CORIN: variants seen among roughly 807,000 people sequenced by gnomAD.
CORIN encodes the protein atrial natriuretic peptide-converting enzyme.
Under a neutral mutation model 125.3 loss-of-function variants are expected in CORIN, and 117 were observed. The ratio of observed to expected loss-of-function variants is 0.93; its 90% CI spans 0.80 to 1.09. CORIN has a LOEUF of 1.09. Ranked by LOEUF, CORIN falls within the 50% of genes least tolerant of loss-of-function variation. CORIN has a pLI of 0.00. For missense variants in CORIN, 1,253 were observed against 1,306.7 expected, an observed-to-expected ratio of 0.96 and a Z score of 0.63; for synonymous variants, 450 against 466.4, an observed-to-expected ratio of 0.96 and a Z score of 0.45.
At chr4:47,832,666 C>T (rs1474305235) in intron 1 of CORIN, among the ~76,000 whole-genome samples, 3 of 151,958 alleles carry the variant, frequency 2.0e-5, no homozygotes, top group Non-Finnish European at 4.4e-5. Context: ...AAGCTGGTCT[C>T]GAACTCCTGA....
At chr4:47,740,587 T>C (rs1303608301) in intron 5 of CORIN, among the ~76,000 whole-genome samples, 3 of 151,986 alleles carry the variant, frequency 2.0e-5, no homozygotes, top group African/African-American at 7.2e-5. Context: ...ACATATGTAA[T>C]CTTTATCAAA....
chr4:47,658,133 G>A (rs1250181469), intron 12 of CORIN, among the ~76,000 whole-genome samples: 1 of 152,200 alleles, frequency 6.6e-6, no homozygotes, highest in Non-Finnish European at 1.5e-5. Flanking sequence ...TACAATGGCT[G>A]TACAGGCATT....
chr4:47,619,820 G>A (rs572978349), intron 19 of CORIN, among the ~76,000 whole-genome samples: 3 of 152,220 alleles, frequency 2.0e-5, no homozygotes, highest in East Asian at 1.9e-4. Flanking sequence ...GGTAATCATC[G>A]CTTGATGAAT....
rs1162817626 is a variant in CORIN at position 47,680,245 on chromosome 4, T to C, written c.1028A>G (p.Asn343Ser). 2.5e-6 allele frequency: 4 copies of C among 1,613,052 alleles called. No individual in the cohort carries two copies. In the African/African-American group the frequency reaches 5.3e-5, roughly 22 times the overall value. Residue 343 changes from asparagine (N) to serine (S), a missense_variant, in exon 8 of 22, where the codon AAT becomes AGT. By Grantham distance (46) the Asn-to-Ser change is conservative (BLOSUM62 1). Coordinates refer to ENST00000273857, the MANE Select transcript of CORIN (RefSeq NM_006587.4). Reference sequence around the variant, plus strand: ...CCCGCAGCGATGCTCTGTTGTGGGATTGCAATCTGGAGAAATGAAAACTCA... The same window carrying C: ...CCCGCAGCGATGCTCTGTTGTGGGACTGCAATCTGGAGAAATGAAAACTCA... ...DLSDEQNCDC[N>S]PTTEHRCGDG...
intron 3 of CORIN, among the ~76,000 whole-genome samples, chr4:47,768,112 C>T (rs932518212): frequency 6.6e-6 from 1 of 152,180 alleles, no homozygotes; most frequent in Non-Finnish European, 1.5e-5. Context: ...CCCCACTGAG[C>T]ACCTTGTGAC....
intron 4 of CORIN, among the ~76,000 whole-genome samples, chr4:47,758,211 C>T (rs562918796): frequency 8.6e-5 from 13 of 151,996 alleles, no homozygotes; most frequent in African/African-American, 2.7e-4. Context: ...CCACGCCCAG[C>T]CTGAAAAATA....
intron 5 of CORIN, among the ~76,000 whole-genome samples, chr4:47,744,035 G>GAATGA (rs1728540498): frequency 6.6e-6 from 1 of 152,206 alleles, no homozygotes; most frequent in South Asian, 2.1e-4. Context: ...CAATGAGAAT[G>GAATGA]AATGAACCAC....
intron 19 of CORIN, among the ~76,000 whole-genome samples, chr4:47,618,089 CT>C (rs1393361546): frequency 6.6e-6 from 1 of 152,070 alleles, no homozygotes; most frequent in Non-Finnish European, 1.5e-5. Context: ...AATCCCAGTA[CT>C]TTGGGAGGCC....
chr4:47,789,738 A>AG (rs1466274276), intron 2 of CORIN, among the ~76,000 whole-genome samples: 2 of 152,016 alleles, frequency 1.3e-5, no homozygotes, highest in African/African-American at 4.8e-5. Flanking sequence ...AAATGCTAAG[A>AG]GGCCGGGCGC....
rs773952054 is a variant in CORIN, at chr4:47,677,983, C to A, written c.1204G>T (p.Asp402Tyr). ...CIPSTFQCDG[D>Y]EDCKDGSDEE... ...TCACTCCCATCCTTGCAGTCCTCGT[C>A]ACCATCACATTGAAACGTGCTGGGG... Residue 402 changes from aspartate to tyrosine, a missense_variant, in exon 9 of 22, where the codon GAC (aspartate) becomes TAC (tyrosine). Transcript: ENST00000273857. The A allele has an allele frequency of 1.2e-6, 2 of 1,613,984 alleles. No homozygotes were observed. Among genetic ancestry groups the A allele is most frequent in the Non-Finnish European group, 1.7e-6 (2 of 1,179,976 alleles).
intron 5 of CORIN, among the ~76,000 whole-genome samples, chr4:47,726,355 G>A (rs1022666066): frequency 1.4e-4 from 22 of 152,048 alleles, no homozygotes; most frequent in Non-Finnish European, 2.6e-4. Flanking sequence ...CCATACAATG[G>A]AATACTAGTA....
chr4:47,603,639 ACC>A lies in CORIN; in HGVS notation c.2568_2569del (p.Val857AlafsTer35). ...ATGGTCTAGATTGTTGATGCCAAGC[ACC>A]ACTTTCCAAACTGCAGCATTCTCTC... is the stretch of plus-strand genomic sequence containing the variant. On this transcript the variant is annotated frameshift_variant, in exon 20 of 22. Coordinates refer to ENST00000273857, the MANE Select transcript of CORIN (RefSeq NM_006587.4). LOFTEE classifies it high-confidence loss of function. 1 of 1,614,014 alleles carries A rather than the reference ACC, an allele frequency of 6.2e-7. No homozygotes were observed. Among genetic ancestry groups the A allele is most frequent in the Non-Finnish European group, 8.5e-7 (1 of 1,179,868 alleles).
chr4:47,671,730 G>A (rs1171662622), intron 10 of CORIN, among the ~76,000 whole-genome samples: 7 of 151,350 alleles, frequency 4.6e-5, no homozygotes, highest in Non-Finnish European at 1.0e-4. Flanking sequence ...GACTACAGGC[G>A]CCCGCCACCA....
intron 5 of CORIN, among the ~76,000 whole-genome samples, chr4:47,732,058 TGATA>T (rs1692515890): frequency 6.6e-6 from 1 of 152,026 alleles, no homozygotes; most frequent in Non-Finnish European, 1.5e-5. Flanking sequence ...AAATTGGGGA[TGATA>T]GATAGATTTA....
At chr4:47,611,897 T>A (rs1179278817) in intron 19 of CORIN, among the ~76,000 whole-genome samples, 1 of 152,234 alleles carries the variant, frequency 6.6e-6, no homozygotes, top group Non-Finnish European at 1.5e-5. Flanking sequence ...CAGCATTGCA[T>A]CCTAGGGATG....
At chr4:47,799,107 GT>G (rs1327667687) in intron 2 of CORIN, among the ~76,000 whole-genome samples, 5 of 61,940 alleles carry the variant, frequency 8.1e-5, no homozygotes, top group Admixed American at 3.3e-4. Flanking sequence ...ATCCCATGGG[GT>G]GTGTGTGTGT....
intron 2 of CORIN, among the ~76,000 whole-genome samples, chr4:47,796,909 C>T (rs937604060): frequency 3.3e-5 from 5 of 152,012 alleles, no homozygotes; most frequent in Non-Finnish European, 7.4e-5. Context: ...CTGTCCCTGT[C>T]GTAAGTTCTC....
intron 19 of CORIN, among the ~76,000 whole-genome samples, chr4:47,611,022 G>T (rs1577734971): frequency 6.6e-6 from 1 of 152,260 alleles, no homozygotes; most frequent in South Asian, 2.1e-4. Flanking sequence ...TTGAAGTTGG[G>T]TAGGGTGATG....
chr4:47,823,316 G>C lies in CORIN; in HGVS notation c.63+14571C>G, dbSNP rs532563532. ...AGCACTTCCTTGCTTTTTGGAACAA[G>C]ATGCTTTGAATTCATCTGCTACTAG... On this transcript the variant is annotated intron_variant, in intron 1 of 21. Coordinates refer to ENST00000273857, the MANE Select transcript of CORIN (RefSeq NM_006587.4). 5.9e-5 allele frequency among the ~76,000 whole-genome samples: 9 copies of C among 152,278 alleles called. No homozygotes were observed. The East Asian group carries it at 1.7e-3, about 29-fold the overall frequency.
Sources: allele counts gnomAD v4.1 joint callset (sites outside exome capture counted in the v4.1 genomes callset), GRCh38; gene constraint gnomAD v4.1.1; transcripts MANE v1.5; gene names NCBI Gene and HGNC (gene_info 2026-07-23, HGNC 2026-07-21).